DTNB: variants seen among roughly 807,000 people sequenced by gnomAD.
DTNB encodes dystrobrevin beta.
A neutral mutation model predicts 90.7 loss-of-function variants in DTNB; 63 were observed. The ratio of observed to expected loss-of-function variants is 0.69; its 90% CI spans 0.57 to 0.86. DTNB has a LOEUF of 0.86. Ranked by LOEUF, DTNB falls within the 40% of genes least tolerant of loss-of-function variation. The pLI is 0.00. For missense variants in DTNB, 744 were observed against 807.1 expected (o/e 0.92, Z 0.95); for synonymous variants, 277 against 286.7 (o/e 0.97, Z 0.34).
chr2:25,420,724 C>T (rs547884736), intron 15 of DTNB, among the ~76,000 whole-genome samples: 4 of 152,272 alleles, frequency 2.6e-5, no homozygotes, highest in Admixed American at 2.6e-4. Flanking sequence ...CTCAGGTGAT[C>T]CGCCTACCTT....
At chr2:25,379,493 A>G in intron 19 of DTNB, 170 bp from the exon 20 acceptor site, 1 of 812,350 alleles carries the variant, frequency 1.2e-6, no homozygotes, top group Non-Finnish European at 1.7e-6. Context: ...GGGTAGAGTC[A>G]TACTTTCTAC....
At chr2:25,565,417 T>C (rs1259387169) in intron 8 of DTNB, among the ~76,000 whole-genome samples, 1 of 152,038 alleles carries the variant, frequency 6.6e-6, no homozygotes, top group East Asian at 1.9e-4. Context: ...TTTTTCATTA[T>C]TGTTATTATT....
At chr2:25,668,655 G>A (rs915567333) in intron 1 of DTNB, among the ~76,000 whole-genome samples, 1 of 152,178 alleles carries the variant, frequency 6.6e-6, no homozygotes, top group African/African-American at 2.4e-5. Flanking sequence ...AAACCATATG[G>A]GAAAGAGTGG....
chr2:25,626,252 T>A (rs1004963049), intron 4 of DTNB, among the ~76,000 whole-genome samples: 2 of 152,204 alleles, frequency 1.3e-5, no homozygotes, highest in Admixed American at 1.3e-4. Flanking sequence ...TTGAGTTAAT[T>A]TGTGTTGTGT....
At chr2:25,388,805 C>CGTGT (rs112323714) in intron 16 of DTNB, among the ~76,000 whole-genome samples, 19,904 of 148,844 alleles carry the variant, frequency 0.13, 1,878 homozygotes, top group East Asian at 0.54. Context: ...AAAGGACATA[C>CGTGT]GTGTGTGTGT....
intron 8 of DTNB, among the ~76,000 whole-genome samples, chr2:25,541,666 G>C (rs1260186555): frequency 1.3e-5 from 2 of 152,072 alleles, no homozygotes; most frequent in Admixed American, 6.5e-5. Flanking sequence ...ACTGCCAATG[G>C]ACATGTAGGA....
chr2:25,464,570 G>A (rs182650239), intron 10 of DTNB, among the ~76,000 whole-genome samples: 104 of 151,616 alleles, frequency 6.9e-4, no homozygotes, highest in African/African-American at 2.3e-3. Context: ...CCCTCTCCAG[G>A]CGAGTAGAGC....
intron 9 of DTNB, among the ~76,000 whole-genome samples, chr2:25,489,729 A>AT (rs764267800): frequency 1.3e-4 from 20 of 152,152 alleles, no homozygotes; most frequent in East Asian, 7.7e-4. Context: ...AATAGAGAGG[A>AT]TTTTCTTAGC....
At chr2:25,429,005 C>G (rs1346397219) in intron 14 of DTNB, among the ~76,000 whole-genome samples, 1 of 152,148 alleles carries the variant, frequency 6.6e-6, no homozygotes, top group East Asian at 1.9e-4. Context: ...GACTTTCTAG[C>G]ATCACTGACC....
chr2:25,417,936 G>T (rs1339989369), intron 16 of DTNB, among the ~76,000 whole-genome samples: 1 of 152,122 alleles, frequency 6.6e-6, no homozygotes, highest in Non-Finnish European at 1.5e-5. Context: ...CCCCCTTGAG[G>T]TGAAGTGTGG....
chr2:25,671,437 TAGGCACCTCTCAACAAGAGACCTGC>T (rs2085881952), intron 1 of DTNB, among the ~76,000 whole-genome samples: 3 of 152,220 alleles, frequency 2.0e-5, no homozygotes, highest in Non-Finnish European at 4.4e-5. Context: ...TTGTAGAACC[TAGGCACCTCTCAACAAGAGACCTGC>T]TGGCTGTACA....
At chr2:25,660,520 T>C (rs1465289146) in intron 1 of DTNB, among the ~76,000 whole-genome samples, 1 of 152,146 alleles carries the variant, frequency 6.6e-6, no homozygotes, top group Admixed American at 6.5e-5. Flanking sequence ...ATAGTGATGG[T>C]TGCACAACTC....
At chr2:25,552,989 T>A (rs1024815147) in intron 8 of DTNB, among the ~76,000 whole-genome samples, 4 of 150,946 alleles carry the variant, frequency 2.6e-5, no homozygotes, top group African/African-American at 9.8e-5. Context: ...GCCTCCCGAG[T>A]AGCTGGGACT....
chr2:25,628,106 G>C, intron 4 of DTNB, 65 bp downstream of exon 4: 1 of 1,536,436 alleles, frequency 6.5e-7, no homozygotes, highest in Non-Finnish European at 9.0e-7. Context: ...CAGTATGGAA[G>C]AAGAATGATT....
Position 25,489,449 on chromosome 2 carries a change from A to G in DTNB, c.1002-6576T>C, listed in dbSNP as rs1575048778. On this transcript the variant is annotated intron_variant, in intron 9 of 20. Transcript: ENST00000406818. Reference sequence around the variant, plus strand: ...TAGCAAATACTTAATAGAAGTAAGAAAAACTGCTATATGCATGGGAAAATA... The same window carrying G: ...TAGCAAATACTTAATAGAAGTAAGAGAAACTGCTATATGCATGGGAAAATA... Among the ~76,000 whole-genome samples the G allele has an allele frequency of 2.6e-5, 4 of 152,334 alleles. No homozygotes were observed. The South Asian group carries it at 8.3e-4, about 32-fold the overall frequency.
intron 3 of DTNB, among the ~76,000 whole-genome samples, chr2:25,637,333 G>C (rs2077326163): frequency 6.6e-6 from 1 of 152,106 alleles, no homozygotes; most frequent in Non-Finnish European, 1.5e-5. Context: ...AAAAGCAATG[G>C]CAACAAAATC....
intron 2 of DTNB, among the ~76,000 whole-genome samples, chr2:25,648,855 C>T (rs1482003680): frequency 6.6e-6 from 1 of 152,124 alleles, no homozygotes; most frequent in African/African-American, 2.4e-5. Flanking sequence ...CAAATTAGGA[C>T]ATATCAGTTC....
At chr2:25,425,172 G>C (rs780612730) in intron 15 of DTNB, among the ~76,000 whole-genome samples, 4 of 152,090 alleles carry the variant, frequency 2.6e-5, no homozygotes, top group Non-Finnish European at 4.4e-5. Flanking sequence ...CTTTAAATAA[G>C]ACCCATTTAG....
chr2:25,383,813 C>G, intron 19 of DTNB, 23 bp downstream of exon 19: 1 of 1,614,050 alleles, frequency 6.2e-7, no homozygotes. Flanking sequence ...TTTAAACGAG[C>G]AGTCCTGCTG....
Sources: gnomAD v4.1 joint callset for allele counts (sites outside exome capture counted in the v4.1 genomes callset) on GRCh38, gnomAD v4.1.1 for gene constraint, MANE v1.5 for transcripts, NCBI Gene and HGNC (gene_info 2026-07-23, HGNC 2026-07-21) for gene names.